Variants in NWD1 observed in about 807,000 individuals in gnomAD.
The protein encoded by NWD1 is NACHT and WD repeat domain containing 1, also known as NACHT domain- and WD repeat-containing protein 1.
Under a neutral mutation model 135.1 loss-of-function variants are expected in NWD1, and 129 were observed. The observed-to-expected ratio is 0.96, with a 90% CI of 0.83 to 1.11. The LOEUF is 1.11. Among genes scored for constraint, NWD1 ranks in the 50% least tolerant of loss-of-function variants. The probability of loss-of-function intolerance (pLI) is 0.00; values close to 1 mark genes in which losing one functional copy is unlikely to be tolerated. For missense variants in NWD1, 1,740 were observed against 1,851.3 expected, an observed-to-expected ratio of 0.94 and a Z score of 1.10; for synonymous variants, 773 against 786.0, an observed-to-expected ratio of 0.98 and a Z score of 0.28.
At chr19:16,792,989 G>A (rs1486349156) in intron 14 of NWD1, among the ~76,000 whole-genome samples, 1 of 151,146 alleles carries the variant, frequency 6.6e-6, no homozygotes, top group Non-Finnish European at 1.5e-5. Flanking sequence ...AGGCTGCAGT[G>A]AGCCAAGATT....
In NWD1 at chr19:16,732,166, G is replaced by C. The variant is rs1012453359; in HGVS notation, c.81+888G>C. On this transcript the variant is annotated intron_variant, in intron 3 of 18. Coordinates refer to ENST00000524140, the MANE Select transcript of NWD1 (RefSeq NM_001007525.5). Reference sequence around the variant, plus strand: ...TGGGAAGCAGAGATTGCAGTGAGCTGAGATCAAGCCACTGTACTCCAGCCT... The same window carrying C: ...TGGGAAGCAGAGATTGCAGTGAGCTCAGATCAAGCCACTGTACTCCAGCCT... Among the ~76,000 whole-genome samples, 12 of 149,846 alleles carry C rather than the reference G, an allele frequency of 8.0e-5. 1 individual carries two copies. The highest frequency in any genetic ancestry group is 1.3e-4 in the Non-Finnish European group (9 of 67,774).
intron 7 of NWD1, among the ~76,000 whole-genome samples, chr19:16,760,229 C>CGTTTTATTTTATTTT (rs1968957586): frequency 1.4e-5 from 2 of 143,820 alleles, no homozygotes. Context: ...TAAAATTCAC[C>CGTTTTATTTTATTTT]ATTTTATTTT....
rs762609492 is a variant in NWD1 at position 16,800,066 on chromosome 19, C to T, written c.3640C>T (p.Arg1214Cys). The change falls in exon 17 of 19, where the codon CGC (arginine) becomes TGC (cysteine). Residue 1214 changes from arginine (R) to cysteine (C), a missense_variant. Coordinates refer to ENST00000524140, the MANE Select transcript of NWD1 (RefSeq NM_001007525.5). ...CCGGGTGCCTGCACCATTTCTGGAC[C>T]GCACCGGCCTCACCGCAGTGTCCCA... ...RSRVPAPFLD[R>C]TGLTAVSHNG... The T allele has an allele frequency of 1.5e-5, 25 of 1,614,000 alleles. No homozygotes were observed. The highest frequency in any genetic ancestry group is 1.3e-4 in the Admixed American group (8 of 59,996).
intron 12 of NWD1, among the ~76,000 whole-genome samples, chr19:16,783,965 A>G (rs577244694): frequency 6.6e-6 from 1 of 152,140 alleles, no homozygotes; most frequent in South Asian, 2.1e-4. Flanking sequence ...TAATCCCAAC[A>G]CTTCGGGAGG....
Position 16,749,428 on chromosome 19 carries a change from G to A in NWD1, c.786G>A (p.Leu262=), listed in dbSNP as rs770098715. The change falls in exon 6 of 19, where the codon CTG becomes CTA. Residue 262 remains leucine (L), a synonymous_variant. Transcript: ENST00000524140. ...AGAACAAGACTCACGCCTGCTACCT[G>A]AAGGAGCTGGGTGAGCAGTTTGTGG... ...NPKNKTHACY[L]KELGEQFVVR... is the part of the protein sequence containing the mutation. 2 of 1,613,910 alleles carry A rather than the reference G, an allele frequency of 1.2e-6. No homozygotes were observed. Among genetic ancestry groups the A allele is most frequent in the East Asian group, 4.5e-5 (2 of 44,860 alleles).
intron 15 of NWD1, among the ~76,000 whole-genome samples, chr19:16,794,863 C>G (rs1314867473): frequency 3.3e-5 from 5 of 152,028 alleles, no homozygotes; most frequent in South Asian, 2.1e-4. Flanking sequence ...TTCATTGCAG[C>G]CTTGAATTTC....
intron 6 of NWD1, among the ~76,000 whole-genome samples, chr19:16,751,670 G>A (rs916494334): frequency 3.3e-5 from 5 of 151,590 alleles, no homozygotes; most frequent in Non-Finnish European, 7.4e-5. Context: ...GCATGGTGGC[G>A]GTCACCTGTA....
At chr19:16,744,076 A>G (rs975322356) in intron 4 of NWD1, among the ~76,000 whole-genome samples, 4 of 152,156 alleles carry the variant, frequency 2.6e-5, no homozygotes, top group Non-Finnish European at 4.4e-5. Flanking sequence ...ATTTACTTAT[A>G]TATTGAATTG....
intron 6 of NWD1, among the ~76,000 whole-genome samples, chr19:16,752,639 G>A (rs1968624805): frequency 6.6e-6 from 1 of 152,144 alleles, no homozygotes; most frequent in Non-Finnish European, 1.5e-5. Flanking sequence ...GGAAATTCAA[G>A]TCTGTCTTAT....
At chr19:16,729,669 G>C (rs1347870166) in intron 2 of NWD1, among the ~76,000 whole-genome samples, 1 of 151,370 alleles carries the variant, frequency 6.6e-6, no homozygotes, top group East Asian at 1.9e-4. Context: ...AGGAGTTTGA[G>C]ACCAGCGTGG....
chr19:16,783,043 T>C (rs77478805), intron 12 of NWD1, among the ~76,000 whole-genome samples: 1 of 115,220 alleles, frequency 8.7e-6, no homozygotes, highest in East Asian at 2.0e-4. Flanking sequence ...CTTTCTTTCT[T>C]TTTTTTTTTT....
chr19:16,730,588 C>T (rs1275156984), intron 2 of NWD1, among the ~76,000 whole-genome samples: 1 of 151,520 alleles, frequency 6.6e-6, no homozygotes, highest in Non-Finnish European at 1.5e-5. Context: ...GTGGTGGTGC[C>T]CCTCTATAAT....
chr19:16,737,703 G>T (rs894377121), intron 4 of NWD1, among the ~76,000 whole-genome samples: 10 of 151,760 alleles, frequency 6.6e-5, no homozygotes, highest in African/African-American at 2.4e-4. Context: ...GCCGGGCGTG[G>T]TGGCTCACAC....
chr19:16,766,016 C>CAAAAA (rs35265751), intron 10 of NWD1, among the ~76,000 whole-genome samples: 8 of 91,696 alleles, frequency 8.7e-5, no homozygotes, highest in East Asian at 3.8e-4. Flanking sequence ...GACTCCGTCT[C>CAAAAA]AAAAAAAAAA....
At chr19:16,743,378 T>G (rs1968166245) in intron 4 of NWD1, among the ~76,000 whole-genome samples, 1 of 152,086 alleles carries the variant, frequency 6.6e-6, no homozygotes, top group African/African-American at 2.4e-5. Context: ...ACCCTGATAA[T>G]TTTTAATTTT....
Position 16,750,117 on chromosome 19 carries a change from T to C in NWD1, c.1475T>C (p.Val492Ala), listed in dbSNP as rs771387563. 3 of 1,613,630 alleles carry C rather than the reference T, an allele frequency of 1.9e-6. No homozygotes were observed. The highest frequency in any genetic ancestry group is 1.6e-4 in the Middle Eastern group (1 of 6,084). ...VLLDPEAYWE[V>A]KPLSGNQGQQ... Reference sequence around the variant, plus strand: ...CTGGACCCGGAGGCCTACTGGGAGGTGAAGCCCCTTTCCGGAAACCAAGGC... The same window carrying C: ...CTGGACCCGGAGGCCTACTGGGAGGCGAAGCCCCTTTCCGGAAACCAAGGC... The change falls in exon 6 of 19, where the codon GTG becomes GCG. Residue 492 changes from valine to alanine, a missense_variant. Coordinates refer to ENST00000524140, the MANE Select transcript of NWD1 (RefSeq NM_001007525.5).
At chr19:16,747,587 G>T (rs1272905908) in intron 5 of NWD1, among the ~76,000 whole-genome samples, 2 of 151,730 alleles carry the variant, frequency 1.3e-5, no homozygotes, top group African/African-American at 4.8e-5. Context: ...TGCACAGGCT[G>T]GTCTCGAACT....
chr19:16,741,690 G>T (rs1238070395), intron 4 of NWD1, among the ~76,000 whole-genome samples: 1 of 151,878 alleles, frequency 6.6e-6, no homozygotes, highest in Non-Finnish European at 1.5e-5. Context: ...TTATTCTGCA[G>T]CTCAGGTGAA....
Position 16,807,863 on chromosome 19 carries a change from G to A in NWD1, c.4014G>A (p.Gly1338=), listed in dbSNP as rs1439536911. The part of the protein sequence containing the change: ...TSGDPCPVID[G]PRYTFYTQLP... Reference sequence around the variant, plus strand: ...GGGACCCCTGCCCGGTCATCGATGGGCCAAGATACACCTTTTACACTCAGC... The same window carrying A: ...GGGACCCCTGCCCGGTCATCGATGGACCAAGATACACCTTTTACACTCAGC... Residue 1338 remains glycine (G), a synonymous_variant, in exon 18 of 19, where the codon GGG becomes GGA. Coordinates refer to ENST00000524140, the MANE Select transcript of NWD1 (RefSeq NM_001007525.5). The A allele has an allele frequency of 6.2e-7, 1 of 1,614,182 alleles. No individual in the cohort carries two copies. Among genetic ancestry groups the A allele is most frequent in the Non-Finnish European group, 8.5e-7 (1 of 1,180,040 alleles).
Sources: allele counts gnomAD v4.1 joint callset (sites outside exome capture counted in the v4.1 genomes callset), GRCh38; gene constraint gnomAD v4.1.1; transcripts MANE v1.5; gene names NCBI Gene and HGNC (gene_info 2026-07-23, HGNC 2026-07-21).